FGGY: variants seen among roughly 807,000 people sequenced by gnomAD.
FGGY encodes the protein FGGY carbohydrate kinase domain-containing protein.
FGGY carries 72 observed loss-of-function variants against 71.3 expected under a neutral mutation model. The ratio of observed to expected loss-of-function variants is 1.01; its 90% CI spans 0.84 to 1.23. FGGY has a LOEUF of 1.23. Ranked by LOEUF, FGGY falls within the 50% of genes most tolerant of loss-of-function variation. The pLI is 0.00. For missense variants in FGGY, 668 were observed against 682.3 expected, an observed-to-expected ratio of 0.98 and a Z score of 0.23; for synonymous variants, 251 against 250.3, an observed-to-expected ratio of 1.00 and a Z score of -0.02.
At chr1:59,750,799 C>T (rs1263081933) in intron 14 of FGGY, among the ~76,000 whole-genome samples, 3 of 152,088 alleles carry the variant, frequency 2.0e-5, no homozygotes, top group East Asian at 3.8e-4. Context: ...GGAGGGGTCA[C>T]GTGCCTCAGC....
intron 2 of FGGY, among the ~76,000 whole-genome samples, chr1:59,328,727 CCTT>C (rs1388734050): frequency 6.6e-6 from 1 of 151,730 alleles, no homozygotes; most frequent in Non-Finnish European, 1.5e-5. Flanking sequence ...GACTATGACT[CCTT>C]CTTTCACTTG....
intron 1 of FGGY, among the ~76,000 whole-genome samples, chr1:59,315,269 T>G (rs2045217407): frequency 7.7e-6 from 1 of 130,402 alleles, no homozygotes; most frequent in Non-Finnish European, 1.7e-5. Flanking sequence ...GGTATATGTC[T>G]GCTTTTTTTT....
chr1:59,692,644 A>T (rs1488788736), intron 14 of FGGY, among the ~76,000 whole-genome samples: 4 of 152,156 alleles, frequency 2.6e-5, no homozygotes, highest in Non-Finnish European at 5.9e-5. Flanking sequence ...CAAAAAAAAA[A>T]AAAAAAGTTG....
At position 59,659,154 on chromosome 1, in the gene FGGY, A is replaced by T. The variant is rs565561045; in HGVS notation, c.1222-1065A>T. Among the ~76,000 whole-genome samples, 432 of 152,290 alleles carry T rather than the reference A, an allele frequency of 2.8e-3. 6 individuals carry two copies. The highest frequency in any genetic ancestry group is 9.9e-3 in the African/African-American group (410 of 41,564). On this transcript the variant is annotated intron_variant, in intron 11 of 15. Transcript: ENST00000303721. Reference sequence around the variant, plus strand: ...GAGGTGGAGGTTGCAGTGAGCCAAGATCACACCACTGCACTCCAGCCTGGG... The same window carrying T: ...GAGGTGGAGGTTGCAGTGAGCCAAGTTCACACCACTGCACTCCAGCCTGGG...
chr1:59,630,469 G>T (rs2096898438), intron 10 of FGGY, among the ~76,000 whole-genome samples: 2 of 152,194 alleles, frequency 1.3e-5, no homozygotes, highest in South Asian at 4.1e-4. Flanking sequence ...TACCTGTTCT[G>T]CCCTGAATGT....
At chr1:59,699,435 G>A in intron 14 of FGGY, 1 of 982,124 alleles carries the variant, frequency 1.0e-6, no homozygotes, top group Non-Finnish European at 1.2e-6. Context: ...GTGACACCTA[G>A]GGGCTGTAGA....
chr1:59,465,462 T>C (rs1264147692), intron 6 of FGGY, among the ~76,000 whole-genome samples: 1 of 152,166 alleles, frequency 6.6e-6, no homozygotes. Flanking sequence ...AGGGATGCCC[T>C]CTCTCACCAC....
intron 7 of FGGY, among the ~76,000 whole-genome samples, chr1:59,514,337 A>C (rs763840759): frequency 2.6e-5 from 4 of 152,226 alleles, no homozygotes; most frequent in Admixed American, 6.5e-5. Context: ...CGCAGGCACT[A>C]CAGTTTCCTT....
chr1:59,553,238 T>G (rs2095636237), intron 7 of FGGY, among the ~76,000 whole-genome samples: 1 of 152,192 alleles, frequency 6.6e-6, no homozygotes, highest in African/African-American at 2.4e-5. Context: ...GCCTGAGCAC[T>G]TTCCACCCCC....
intron 5 of FGGY, among the ~76,000 whole-genome samples, chr1:59,426,127 G>A (rs1168040658): frequency 6.6e-6 from 1 of 152,106 alleles, no homozygotes; most frequent in Non-Finnish European, 1.5e-5. Flanking sequence ...CATTTAACAT[G>A]TCCATCTCTC....
intron 5 of FGGY, among the ~76,000 whole-genome samples, chr1:59,438,496 A>G (rs1025344817): frequency 6.6e-6 from 1 of 152,120 alleles, no homozygotes; most frequent in Non-Finnish European, 1.5e-5. Context: ...TTTGGAAAAA[A>G]TTTTCAGAGT....
intron 6 of FGGY, among the ~76,000 whole-genome samples, chr1:59,511,950 TTAG>T (rs1304637244): frequency 6.2e-4 from 94 of 152,312 alleles, no homozygotes; most frequent in African/African-American, 2.0e-3. Flanking sequence ...TTTAAGTAGG[TTAG>T]TAGATCTGCT....
chr1:59,740,741 C>T lies in FGGY; in HGVS notation c.1513-17190C>T, dbSNP rs542310269. 1.1e-4 allele frequency among the ~76,000 whole-genome samples: 17 copies of T among 152,312 alleles called. No individual in the cohort carries two copies. In the South Asian group the frequency reaches 3.3e-3, roughly 30 times the overall value. ...ACTGCCTCTAACAGCCCACTTAATTCATTATCCATTCACTCTATGTTTAGC... is the reference window on the plus strand; with the variant it reads ...ACTGCCTCTAACAGCCCACTTAATTTATTATCCATTCACTCTATGTTTAGC... On this transcript the variant is annotated intron_variant, in intron 14 of 15. Transcript: ENST00000303721.
At chr1:59,690,159 A>C (rs1291032872) in intron 14 of FGGY, among the ~76,000 whole-genome samples, 1 of 152,190 alleles carries the variant, frequency 6.6e-6, no homozygotes, top group Admixed American at 6.5e-5. Flanking sequence ...AGGAAACAAC[A>C]GGCTTTAGTG....
chr1:59,734,271 A>G (rs571065689), intron 14 of FGGY, among the ~76,000 whole-genome samples: 3 of 152,116 alleles, frequency 2.0e-5, no homozygotes, highest in Non-Finnish European at 4.4e-5. Context: ...TGGTACCATA[A>G]CAGCTCACTG....
intron 6 of FGGY, among the ~76,000 whole-genome samples, chr1:59,493,820 A>G (rs970160032): frequency 1.3e-5 from 2 of 152,232 alleles, no homozygotes; most frequent in African/African-American, 4.8e-5. Context: ...TACCACAATT[A>G]AAAAATTTTT....
intron 6 of FGGY, among the ~76,000 whole-genome samples, chr1:59,511,308 A>G (rs150305312): frequency 9.9e-5 from 15 of 152,268 alleles, no homozygotes; most frequent in African/African-American, 3.4e-4. Flanking sequence ...TCCATGGAAC[A>G]ATTAACAAGT....
intron 6 of FGGY, among the ~76,000 whole-genome samples, chr1:59,495,257 A>G (rs1423507860): frequency 6.6e-6 from 1 of 152,092 alleles, no homozygotes; most frequent in Non-Finnish European, 1.5e-5. Context: ...ATAGTTTGCA[A>G]ATATTTTCTC....
At chr1:59,751,542 C>T (rs1375534750) in intron 14 of FGGY, among the ~76,000 whole-genome samples, 1 of 152,148 alleles carries the variant, frequency 6.6e-6, no homozygotes, top group African/African-American at 2.4e-5. Context: ...GTCATGATGG[C>T]TTCATGCTAA....
Sources: gnomAD v4.1 joint callset for allele counts (sites outside exome capture counted in the v4.1 genomes callset) on GRCh38, gnomAD v4.1.1 for gene constraint, MANE v1.5 for transcripts, NCBI Gene and HGNC (gene_info 2026-07-23, HGNC 2026-07-21) for gene names.